LRRC41: variants seen among roughly 807,000 people sequenced by gnomAD.
The protein encoded by LRRC41 is leucine-rich repeat-containing protein 41.
A neutral mutation model predicts 72.1 loss-of-function variants in LRRC41; 17 were observed. The observed-to-expected ratio is 0.24, with a 90% CI of 0.16 to 0.35. The LOEUF is 0.35. Among genes scored for constraint, LRRC41 ranks in the 10% least tolerant of loss-of-function variants. LRRC41 has a pLI of 1.00. For missense variants in LRRC41, 759 were observed against 1,065.0 expected (o/e 0.71, Z 4.00); for synonymous variants, 427 against 431.0 (o/e 0.99, Z 0.11).
intron 3 of LRRC41, among the ~76,000 whole-genome samples, chr1:46,288,578 A>G (rs555385598): frequency 7.5e-4 from 114 of 152,328 alleles, no homozygotes; most frequent in Non-Finnish European, 1.4e-3. Context: ...CATTTCTTTG[A>G]TCCTTACCCT....
chr1:46,278,617 ACCT>A lies in LRRC41; in HGVS notation c.*245_*247del. 3.3e-6 allele frequency: 2 copies of A among 606,456 alleles called. No homozygotes were observed. The highest frequency in any genetic ancestry group is 2.9e-6 in the Non-Finnish European group (1 of 345,136). The allele number at this position is 606,456 out of a possible 1,614,324, so 37.6% of individuals were successfully genotyped here. On this transcript the variant is annotated 3_prime_UTR_variant, in exon 10 of 10. Transcript: ENST00000617190. Reference sequence around the variant, plus strand: ...TTCAGCAATTATGATGACCACTGTAACCTCCTGGCCCAGGGTTCCCAGGATACT... The same window carrying A: ...TTCAGCAATTATGATGACCACTGTAACCTGGCCCAGGGTTCCCAGGATACT...
chr1:46,289,524 G>A (rs1660960326), intron 3 of LRRC41, among the ~76,000 whole-genome samples: 2 of 152,080 alleles, frequency 1.3e-5, no homozygotes, highest in Non-Finnish European at 2.9e-5. Flanking sequence ...CACTTTGGGA[G>A]GCCGAGGCGG....
Position 46,302,522 on chromosome 1 carries a change from C to A in LRRC41, c.199+602G>T. 6 of 985,396 alleles carry A rather than the reference C, an allele frequency of 6.1e-6. No homozygotes were observed. The highest frequency in any genetic ancestry group is 7.2e-6 in the Non-Finnish European group (6 of 829,904). The allele number at this position is 985,396 out of a possible 1,614,324, so 61.0% of individuals were successfully genotyped here. ...CTGGGCCGTCAGACAGGCCGCGGCGCCCCGACCCTTTCGTTCGGCCTCTCC... is the reference window on the plus strand; with the variant it reads ...CTGGGCCGTCAGACAGGCCGCGGCGACCCGACCCTTTCGTTCGGCCTCTCC... On this transcript the variant is annotated intron_variant, in intron 1 of 9. Coordinates refer to ENST00000617190, the MANE Select transcript of LRRC41 (RefSeq NM_006369.5). This position sits in a 1 kb window ranked among gnomAD's most constrained non-coding sequence, Gnocchi z 4.7.
intron 3 of LRRC41, chr1:46,297,332 T>G: frequency 2.2e-6 from 1 of 447,206 alleles, no homozygotes; most frequent in Non-Finnish European, 4.1e-6. Context: ...CTGCCATCCA[T>G]TGTGATCACT....
chr1:46,286,546 C>G lies in LRRC41; in HGVS notation c.358-47G>C. ...AGACAGCCATGATATATCCATGAAACTGTCCAAATTTCCCTCTCTTCCAAT... is the reference window on the plus strand; with the variant it reads ...AGACAGCCATGATATATCCATGAAAGTGTCCAAATTTCCCTCTCTTCCAAT... On this transcript the variant is annotated intron_variant, in intron 3 of 9. Coordinates refer to ENST00000617190, the MANE Select transcript of LRRC41 (RefSeq NM_006369.5). The surrounding 1 kb of genome is among the most constrained non-coding windows in gnomAD (Gnocchi z 5.5). The G allele has an allele frequency of 6.6e-7, 1 of 1,524,222 alleles. No homozygotes were observed. 94.4% of individuals were successfully genotyped at this position (1,524,222 alleles called of 1,614,324 possible).
At chr1:46,288,548 G>A (rs950408044) in intron 3 of LRRC41, among the ~76,000 whole-genome samples, 3 of 152,208 alleles carry the variant, frequency 2.0e-5, no homozygotes, top group Non-Finnish European at 2.9e-5. Context: ...GTGGGGGCCT[G>A]AGGTTCCCCA....
Position 46,280,403 on chromosome 1 carries a change from T to G in LRRC41, c.1914A>C (p.Thr638=), listed in dbSNP as rs767466566. ...ATTCTGGCTGGGTCCTACCTTTGAG[T>G]GTTTGCAAAACAAGCCCAAAATCCT... ...SPQDFGLVLQ[T]LKEYNLALKR... The change falls in exon 6 of 10, where the codon ACA becomes ACC. Residue 638 remains threonine, a synonymous_variant. Transcript: ENST00000617190. 1.9e-6 allele frequency: 3 copies of G among 1,614,148 alleles called. No homozygotes were observed. The highest frequency in any genetic ancestry group is 2.5e-6 in the Non-Finnish European group (3 of 1,180,014).
Position 46,292,998 on chromosome 1 carries a change from A to T in LRRC41, c.357+4565T>A, listed in dbSNP as rs188813465. ...CAAGAGATGGAGACCATCCTGGCCA[A>T]CATGGTGAAACCTCATCTCTACTAA... is the stretch of plus-strand genomic sequence containing the variant. On this transcript the variant is annotated intron_variant, in intron 3 of 9. Coordinates refer to ENST00000617190, the MANE Select transcript of LRRC41 (RefSeq NM_006369.5). 3.4e-4 allele frequency among the ~76,000 whole-genome samples: 52 copies of T among 152,286 alleles called. No individual in the cohort carries two copies. The East Asian group carries it at 9.7e-3, about 28-fold the overall frequency.
chr1:46,286,985 A>G lies in LRRC41; in HGVS notation c.358-486T>C, dbSNP rs1553171074. Reference sequence around the variant, plus strand: ...AGGCGCCCGCCACCACACCTGGCTAATTTTTGTATGTTTCATCATATTGAC... The same window carrying G: ...AGGCGCCCGCCACCACACCTGGCTAGTTTTTGTATGTTTCATCATATTGAC... On this transcript the variant is annotated intron_variant, in intron 3 of 9. Transcript: ENST00000617190. The surrounding 1 kb of genome is among the most constrained non-coding windows in gnomAD (Gnocchi z 5.5). Among the ~76,000 whole-genome samples the G allele has an allele frequency of 2.0e-5, 3 of 151,576 alleles. No individual in the cohort carries two copies. The highest frequency in any genetic ancestry group is 4.4e-5 in the Non-Finnish European group (3 of 67,920).
chr1:46,295,236 T>C, intron 3 of LRRC41, among the ~76,000 whole-genome samples: 1 of 151,892 alleles, frequency 6.6e-6, no homozygotes, highest in South Asian at 2.1e-4. Context: ...GTTCTTTGTA[T>C]TTTTAGTAGA....
At chr1:46,288,807 A>G (rs1271409955) in intron 3 of LRRC41, among the ~76,000 whole-genome samples, 1 of 152,252 alleles carries the variant, frequency 6.6e-6, no homozygotes, top group Admixed American at 6.5e-5. Context: ...GCAGCAGGAC[A>G]TTAAGAGCAG....
chr1:46,278,299 G>C lies in LRRC41; in HGVS notation c.*566C>G, dbSNP rs2148309457. Reference sequence around the variant, plus strand: ...CTCCGCTGATAACCAGCTGGTCTGGGTGTAGCTCTTAGAGGAAGGAGATAG... The same window carrying C: ...CTCCGCTGATAACCAGCTGGTCTGGCTGTAGCTCTTAGAGGAAGGAGATAG... On this transcript the variant is annotated 3_prime_UTR_variant, in exon 10 of 10. Coordinates refer to ENST00000617190, the MANE Select transcript of LRRC41 (RefSeq NM_006369.5). The C allele has an allele frequency of 6.2e-7, 1 of 1,603,022 alleles. No homozygotes were observed. The highest frequency in any genetic ancestry group is 2.2e-5 in the East Asian group (1 of 44,532).
chr1:46,283,708 CT>C (rs34412540), intron 4 of LRRC41, among the ~76,000 whole-genome samples: 5,190 of 143,014 alleles, frequency 0.036, 202 homozygotes, highest in African/African-American at 0.1. Context: ...GAGGAGAAAA[CT>C]TTTTTTTTTT....
At chr1:46,290,604 ATTGTTTCTAGCTTTTTT>A (rs1660987277) in intron 3 of LRRC41, among the ~76,000 whole-genome samples, 2 of 147,488 alleles carry the variant, frequency 1.4e-5, no homozygotes, top group African/African-American at 5.0e-5. Flanking sequence ...TAATATTTCC[ATTGTTTCTAGCTTTTTT>A]TTTTTTTTTT....
At chr1:46,297,237 G>T in intron 3 of LRRC41, 1 of 215,896 alleles carries the variant, frequency 4.6e-6, no homozygotes, top group Non-Finnish European at 9.3e-6. Context: ...AAAACTCATT[G>T]AAGTATTGGT....
In LRRC41 at chr1:46,302,508, G is replaced by A. The variant is rs938242992; in HGVS notation, c.199+616C>T. On this transcript the variant is annotated intron_variant, in intron 1 of 9. Transcript: ENST00000617190. The surrounding 1 kb of genome is among the most constrained non-coding windows in gnomAD (Gnocchi z 4.7). ...CGCTCCCGTCAGCCCTGGGCCGTCA[G>A]ACAGGCCGCGGCGCCCCGACCCTTT... 3.0e-6 allele frequency: 3 copies of A among 985,256 alleles called. No individual in the cohort carries two copies. The African/African-American group carries it at 5.2e-5, about 17-fold the overall frequency. The allele number at this position is 985,256 out of a possible 1,614,324, so 61.0% of individuals were successfully genotyped here.
intron 1 of LRRC41, among the ~76,000 whole-genome samples, chr1:46,301,532 C>T (rs1344278639): frequency 2.6e-5 from 4 of 151,950 alleles, no homozygotes; most frequent in Non-Finnish European, 5.9e-5. Context: ...CTTCCACCAC[C>T]ACTATGCAGG....
chr1:46,281,952 G>T (rs1569636822), intron 4 of LRRC41, among the ~76,000 whole-genome samples: 1 of 152,270 alleles, frequency 6.6e-6, no homozygotes, highest in East Asian at 1.9e-4. Flanking sequence ...GGTGGCACAT[G>T]CCTGTAGTCC....
chr1:46,303,020 G>A, intron 1 of LRRC41, 104 bp downstream of exon 1: 10 of 1,327,508 alleles, frequency 7.5e-6, no homozygotes, highest in Non-Finnish European at 9.6e-6. Context: ...CAGCGCCCCA[G>A]GCTGGGCCTT....
Sources: allele counts gnomAD v4.1 joint callset (sites outside exome capture counted in the v4.1 genomes callset), GRCh38; gene constraint gnomAD v4.1.1; non-coding constraint Gnocchi (gnomAD v3.1); transcripts MANE v1.5; gene names NCBI Gene and HGNC (gene_info 2026-07-23, HGNC 2026-07-21).